TEAD1: variants seen among roughly 807,000 people sequenced by gnomAD.
The protein encoded by TEAD1 is transcriptional enhancer factor TEF-1.
Under a neutral mutation model 54.9 loss-of-function variants are expected in TEAD1, and 9 were observed. That is an observed-to-expected ratio of 0.16 (90% CI 0.10 to 0.29). The LOEUF (loss-of-function observed/expected upper bound fraction) is 0.29. Ranked by LOEUF, TEAD1 falls within the 10% of genes least tolerant of loss-of-function variation. The pLI is 1.00. For missense variants in TEAD1, 387 were observed against 535.9 expected (o/e 0.72, Z 2.74); for synonymous variants, 200 against 187.8 (o/e 1.07, Z -0.53).
chr11:12,797,937 C>T (rs1299727413), intron 3 of TEAD1, among the ~76,000 whole-genome samples: 1 of 152,050 alleles, frequency 6.6e-6, no homozygotes, highest in Non-Finnish European at 1.5e-5. Flanking sequence ...TTCATTTTTC[C>T]TTTGGATAAT....
At chr11:12,821,115 A>G (rs1353468303) in intron 3 of TEAD1, among the ~76,000 whole-genome samples, 1 of 152,184 alleles carries the variant, frequency 6.6e-6, no homozygotes, top group Non-Finnish European at 1.5e-5. Flanking sequence ...AGCCCCATTC[A>G]ATTGTCCACT....
rs529875266 is a variant in TEAD1 at position 12,715,540 on chromosome 11, G to A, written c.-55+39979G>A. Among the ~76,000 whole-genome samples, 10 of 152,196 alleles carry A rather than the reference G, an allele frequency of 6.6e-5. No homozygotes were observed. In the South Asian group the frequency reaches 1.2e-3, roughly 19 times the overall value. On this transcript the variant is annotated intron_variant, in intron 2 of 12. Transcript: ENST00000527636. ...CTGGGGAAGCTTGTTTCTGGAAGCC[G>A]CAGCAGGCTGGCTGTCTCTCTGGGG...
chr11:12,770,729 G>T (rs1424073893), intron 3 of TEAD1, among the ~76,000 whole-genome samples: 1 of 152,150 alleles, frequency 6.6e-6, no homozygotes, highest in Non-Finnish European at 1.5e-5. Context: ...CAATACAAAT[G>T]ACTCCAATAT....
intron 10 of TEAD1, among the ~76,000 whole-genome samples, chr11:12,914,700 CT>C (rs1948679349): frequency 6.6e-6 from 1 of 152,254 alleles, no homozygotes; most frequent in African/African-American, 2.4e-5. Context: ...TCCCCCTTCT[CT>C]CTGCCCATGG....
At chr11:12,807,761 C>T (rs911950829) in intron 3 of TEAD1, among the ~76,000 whole-genome samples, 7 of 152,190 alleles carry the variant, frequency 4.6e-5, no homozygotes, top group Non-Finnish European at 8.8e-5. Flanking sequence ...GATGATGGGC[C>T]TTCTCCCGGA....
intron 2 of TEAD1, among the ~76,000 whole-genome samples, chr11:12,754,741 C>T (rs767964115): frequency 2.6e-4 from 40 of 152,108 alleles, no homozygotes; most frequent in African/African-American, 9.2e-4. Context: ...GCTTGGCCTT[C>T]GCAGTTTAGC....
intron 2 of TEAD1, among the ~76,000 whole-genome samples, chr11:12,701,291 A>G (rs1943696906): frequency 6.6e-6 from 1 of 152,120 alleles, no homozygotes; most frequent in Admixed American, 6.6e-5. Flanking sequence ...TCAGCCAAAA[A>G]AGTTGGTTGA....
At chr11:12,914,494 T>G (rs926203731) in intron 10 of TEAD1, among the ~76,000 whole-genome samples, 10 of 152,196 alleles carry the variant, frequency 6.6e-5, no homozygotes, top group Non-Finnish European at 1.3e-4. Flanking sequence ...AAGACTCTTT[T>G]CTGAGGGCAG....
At chr11:12,814,107 C>T (rs777747639) in intron 3 of TEAD1, among the ~76,000 whole-genome samples, 1 of 152,186 alleles carries the variant, frequency 6.6e-6, no homozygotes, top group Non-Finnish European at 1.5e-5. Flanking sequence ...CTGCTACGCT[C>T]ACTGGTCACC....
intron 9 of TEAD1, among the ~76,000 whole-genome samples, chr11:12,901,337 C>G (rs1408332453): frequency 6.6e-6 from 1 of 152,098 alleles, no homozygotes; most frequent in Non-Finnish European, 1.5e-5. Flanking sequence ...TGTAGATCTT[C>G]TCTGTGATCT....
At chr11:12,838,767 A>G (rs1200514578) in intron 3 of TEAD1, among the ~76,000 whole-genome samples, 3 of 152,222 alleles carry the variant, frequency 2.0e-5, no homozygotes, top group East Asian at 1.9e-4. Flanking sequence ...TCTAGAGCCA[A>G]ACATTTCTGA....
rs76352939 is a variant in TEAD1, at chr11:12,759,218, T to C, written c.-54-4961T>C. Among the ~76,000 whole-genome samples the C allele has an allele frequency of 0.022, 3,406 of 152,266 alleles. 230 individuals are homozygous for C. The East Asian group carries it at 0.23, about 10-fold the overall frequency. ...AAGGGAGCAGCAAATTCCTGTGTCCTATCTCATCTCTTGTTGGATAGAGTT... is the reference window on the plus strand; with the variant it reads ...AAGGGAGCAGCAAATTCCTGTGTCCCATCTCATCTCTTGTTGGATAGAGTT... On this transcript the variant is annotated intron_variant, in intron 2 of 12. Transcript: ENST00000527636.
intron 2 of TEAD1, among the ~76,000 whole-genome samples, chr11:12,686,080 T>C (rs967605604): frequency 1.3e-5 from 2 of 152,226 alleles, no homozygotes; most frequent in African/African-American, 4.8e-5. Context: ...TCCCCATGGC[T>C]GAGTACCTGT....
chr11:12,858,940 C>T (rs562703385), intron 3 of TEAD1, among the ~76,000 whole-genome samples: 1 of 152,316 alleles, frequency 6.6e-6, no homozygotes, highest in South Asian at 2.1e-4. Context: ...GTTAACTGTA[C>T]TGAATACTGT....
chr11:12,729,205 A>G (rs1050319068), intron 2 of TEAD1, among the ~76,000 whole-genome samples: 2 of 152,242 alleles, frequency 1.3e-5, no homozygotes, highest in African/African-American at 4.8e-5. Flanking sequence ...GTGAATGACT[A>G]GGGCCCTTTT....
intron 3 of TEAD1, among the ~76,000 whole-genome samples, chr11:12,771,791 G>A (rs1423789217): frequency 6.6e-6 from 1 of 152,086 alleles, no homozygotes; most frequent in Non-Finnish European, 1.5e-5. Flanking sequence ...ATTTATCAAG[G>A]GCAAAACTGG....
chr11:12,722,071 T>A (rs1161604370), intron 2 of TEAD1, among the ~76,000 whole-genome samples: 1 of 152,244 alleles, frequency 6.6e-6, no homozygotes. Flanking sequence ...TGGTTGCAGG[T>A]GGTCTGTGAA....
intron 2 of TEAD1, among the ~76,000 whole-genome samples, chr11:12,727,837 A>G (rs1428085339): frequency 6.6e-6 from 1 of 152,072 alleles, no homozygotes; most frequent in Non-Finnish European, 1.5e-5. Flanking sequence ...CCAGGCTTTC[A>G]TAGTCCTTGT....
At chr11:12,693,589 T>C (rs560808208) in intron 2 of TEAD1, among the ~76,000 whole-genome samples, 1 of 152,342 alleles carries the variant, frequency 6.6e-6, no homozygotes, top group Non-Finnish European at 1.5e-5. Flanking sequence ...TCGCAGCCCA[T>C]GGATTAAGCT....
Sources: allele counts gnomAD v4.1 joint callset (sites outside exome capture counted in the v4.1 genomes callset), GRCh38; gene constraint gnomAD v4.1.1; transcripts MANE v1.5; gene names NCBI Gene and HGNC (gene_info 2026-07-23, HGNC 2026-07-21).